Variants in NUS1 observed in about 807,000 individuals in gnomAD.
NUS1 encodes the protein dehydrodolichyl diphosphate synthase complex subunit NUS1.
For synonymous variants in NUS1, 135 were observed against 155.2 expected, an observed-to-expected ratio of 0.87 and a Z score of 0.97; for missense variants, 292 against 382.9, an observed-to-expected ratio of 0.76 and a Z score of 1.98.
chr6:117,702,831 A>C (rs951278573), intron 3 of NUS1, among the ~76,000 whole-genome samples: 5 of 152,190 alleles, frequency 3.3e-5, no homozygotes, highest in African/African-American at 1.2e-4. Context: ...TATAACAGAC[A>C]AGTTAGTGGC....
At chr6:117,703,830 C>A (rs1439643835) in intron 4 of NUS1, 126 bp downstream of exon 4, 1 of 706,582 alleles carries the variant, frequency 1.4e-6, no homozygotes, top group African/African-American at 1.8e-5. Context: ...TCAGTTATTT[C>A]ACAGTACCAC....
intron 4 of NUS1, among the ~76,000 whole-genome samples, chr6:117,706,047 C>T (rs961863545): frequency 2.0e-5 from 3 of 152,120 alleles, no homozygotes; most frequent in Admixed American, 6.5e-5. Context: ...GACTGTGACT[C>T]TTCTATTCTG....
chr6:117,698,344 A>G (rs1327983458), intron 3 of NUS1, among the ~76,000 whole-genome samples: 1 of 152,122 alleles, frequency 6.6e-6, no homozygotes, highest in African/African-American at 2.4e-5. Flanking sequence ...AGATACTGCA[A>G]CTGATGCTAC....
At chr6:117,698,956 C>T (rs1468971044) in intron 3 of NUS1, among the ~76,000 whole-genome samples, 2 of 152,072 alleles carry the variant, frequency 1.3e-5, no homozygotes, top group Admixed American at 6.5e-5. Context: ...AAATTAAACA[C>T]TTGCATGATA....
intron 1 of NUS1, among the ~76,000 whole-genome samples, chr6:117,689,606 A>AAGTGG (rs1382295209): frequency 5.3e-5 from 8 of 151,332 alleles, no homozygotes; most frequent in African/African-American, 1.9e-4. Flanking sequence ...TCTGTTGCTC[A>AAGTGG]AGTGGAGTGT....
At chr6:117,686,993 T>G (rs1009034680) in intron 1 of NUS1, among the ~76,000 whole-genome samples, 2 of 152,060 alleles carry the variant, frequency 1.3e-5, no homozygotes, top group African/African-American at 4.8e-5. Flanking sequence ...TATGAGTTAT[T>G]AGGAATCATC....
chr6:117,678,002 T>A (rs1403216351), intron 1 of NUS1, among the ~76,000 whole-genome samples: 1 of 152,246 alleles, frequency 6.6e-6, no homozygotes, highest in Non-Finnish European at 1.5e-5. Context: ...TTTGACTTGA[T>A]GACCGTGCCT....
chr6:117,691,991 C>G (rs1341365632), intron 1 of NUS1, among the ~76,000 whole-genome samples: 3 of 151,866 alleles, frequency 2.0e-5, no homozygotes, highest in Non-Finnish European at 4.4e-5. Context: ...AATTTTTAAA[C>G]TAGTTCCACA....
At chr6:117,698,620 C>G (rs1194976585) in intron 3 of NUS1, among the ~76,000 whole-genome samples, 1 of 152,080 alleles carries the variant, frequency 6.6e-6, no homozygotes, top group Non-Finnish European at 1.5e-5. Context: ...CAATTCTACT[C>G]AAACTATTCT....
At chr6:117,690,827 T>TA (rs1219143259) in intron 1 of NUS1, among the ~76,000 whole-genome samples, 3 of 151,496 alleles carry the variant, frequency 2.0e-5, no homozygotes, top group African/African-American at 7.3e-5. Context: ...CCATCTCTCC[T>TA]AAAAAAATAC....
At chr6:117,679,322 G>C (rs1773028578) in intron 1 of NUS1, among the ~76,000 whole-genome samples, 1 of 152,186 alleles carries the variant, frequency 6.6e-6, no homozygotes, top group East Asian at 1.9e-4. Flanking sequence ...CTCTGTGTGT[G>C]TGAATGGGGA....
rs1773535724 is a variant in NUS1, at chr6:117,708,781, C to G, written c.*1766C>G. ...GTGCAGCTGAAGACTGAATTTATGCCTTTTGTAAACATGATAGGTATAAAT... is the reference window on the plus strand; with the variant it reads ...GTGCAGCTGAAGACTGAATTTATGCGTTTTGTAAACATGATAGGTATAAAT... On this transcript the variant is annotated 3_prime_UTR_variant, in exon 5 of 5. Coordinates refer to ENST00000368494, the MANE Select transcript of NUS1 (RefSeq NM_138459.5). 6 of 152,172 alleles carry G rather than the reference C, an allele frequency of 3.9e-5. No individual in the cohort carries two copies. In the South Asian group the frequency reaches 1.2e-3, roughly 32 times the overall value. The allele number at this position is 152,172 out of a possible 1,614,324, so 9.4% of individuals were successfully genotyped here.
At chr6:117,704,718 T>G (rs1256026317) in intron 4 of NUS1, among the ~76,000 whole-genome samples, 1 of 152,194 alleles carries the variant, frequency 6.6e-6, no homozygotes, top group East Asian at 1.9e-4. Context: ...CATAGCACTT[T>G]ACTAATTGCG....
intron 3 of NUS1, 48 bp from the exon 4 acceptor site, chr6:117,703,557 T>TGC (rs772441312): frequency 1.7e-5 from 22 of 1,267,242 alleles, no homozygotes; most frequent in Non-Finnish European, 2.4e-5. Context: ...TGTGTGTGTG[T>TGC]GCACATGCAG....
At chr6:117,700,758 G>A (rs527776020) in intron 3 of NUS1, among the ~76,000 whole-genome samples, 1 of 152,310 alleles carries the variant, frequency 6.6e-6, no homozygotes, top group Non-Finnish European at 1.5e-5. Flanking sequence ...ATGGACCACA[G>A]AGTAGTATTC....
At position 117,675,537 on chromosome 6, in the gene NUS1, G is replaced by C; in HGVS notation, c.-134G>C. 1.1e-6 allele frequency: 1 copy of C among 883,642 alleles called. No individual in the cohort carries two copies. The highest frequency in any genetic ancestry group is 1.7e-6 in the Non-Finnish European group (1 of 582,044). The allele number at this position is 883,642 out of a possible 1,614,324, so 54.7% of individuals were successfully genotyped here. A position where few individuals can be genotyped will look rare whatever the true frequency, so the allele number is the denominator to read the frequency against. On this transcript the variant is annotated 5_prime_UTR_variant, in exon 1 of 5. Transcript: ENST00000368494. Reference sequence around the variant, plus strand: ...GCGGGGGCGAGGTGAGGTGTTGGCAGTGGAAAGGGGTTCGGGCTCGGGGGG... The same window carrying C: ...GCGGGGGCGAGGTGAGGTGTTGGCACTGGAAAGGGGTTCGGGCTCGGGGGG...
chr6:117,687,532 A>AT (rs1382828609), intron 1 of NUS1, among the ~76,000 whole-genome samples: 2 of 152,098 alleles, frequency 1.3e-5, no homozygotes, highest in Non-Finnish European at 2.9e-5. Flanking sequence ...TGGCTGGGGA[A>AT]TTGGGAAAGG....
At chr6:117,697,653 A>G (rs1178875137) in intron 3 of NUS1, among the ~76,000 whole-genome samples, 4 of 152,044 alleles carry the variant, frequency 2.6e-5, no homozygotes, top group African/African-American at 9.7e-5. Flanking sequence ...ACCCAGATAT[A>G]TAAAGCCAAT....
chr6:117,685,617 G>A (rs1264596456), intron 1 of NUS1, among the ~76,000 whole-genome samples: 2 of 152,072 alleles, frequency 1.3e-5, no homozygotes, highest in South Asian at 4.2e-4. Flanking sequence ...CTCCCAAAGT[G>A]TTTGGGATTA....
Sources: allele counts gnomAD v4.1 joint callset (sites outside exome capture counted in the v4.1 genomes callset), GRCh38; gene constraint gnomAD v4.1.1; transcripts MANE v1.5; gene names NCBI Gene and HGNC (gene_info 2026-07-23, HGNC 2026-07-21).